Variants in CRACD observed in about 807,000 individuals in gnomAD.
The protein encoded by CRACD is capping protein inhibiting regulator of actin dynamics.
In CRACD, 56 loss-of-function variants were observed where a neutral mutation model predicts 106.8. That is an observed-to-expected ratio of 0.52 (90% CI 0.42 to 0.66). CRACD has a LOEUF of 0.66. Ranked by LOEUF, CRACD falls within the 30% of genes least tolerant of loss-of-function variation. CRACD has a pLI of 0.00. For missense variants in CRACD, 1,730 were observed against 1,623.2 expected (o/e 1.07, Z -1.13); for synonymous variants, 754 against 670.8 (o/e 1.12, Z -1.92).
chr4:56,079,011 A>G (rs567709914), intron 1 of CRACD, among the ~76,000 whole-genome samples: 67 of 152,324 alleles, frequency 4.4e-4, no homozygotes, highest in South Asian at 1.0e-3. Context: ...CTCAGAGGGC[A>G]CTGCAGGTCC....
chr4:56,289,759 T>C (rs1743598808), intron 3 of CRACD, among the ~76,000 whole-genome samples: 1 of 152,012 alleles, frequency 6.6e-6, no homozygotes, highest in Non-Finnish European at 1.5e-5. Context: ...GTGGGTGAAC[T>C]GGAACCCTCT....
intron 10 of CRACD, among the ~76,000 whole-genome samples, chr4:56,326,067 A>G (rs931676838): frequency 1.3e-5 from 2 of 152,048 alleles, no homozygotes; most frequent in African/African-American, 4.8e-5. Context: ...ACACGCCACC[A>G]CACCCAGCTA....
chr4:56,209,843 T>A (rs1003799692), intron 2 of CRACD, among the ~76,000 whole-genome samples: 4 of 152,190 alleles, frequency 2.6e-5, no homozygotes, highest in African/African-American at 9.7e-5. Context: ...TAATGTCTTT[T>A]CCAGTCCTCC....
intron 1 of CRACD, among the ~76,000 whole-genome samples, chr4:56,157,819 C>T (rs1735815128): frequency 6.6e-6 from 1 of 152,128 alleles, no homozygotes; most frequent in African/African-American, 2.4e-5. Context: ...TATGCCTCTC[C>T]CTTTTTGCTG....
chr4:56,314,004 GC>G lies in CRACD; in HGVS notation c.538-35del. ...AAAGGAACGACTGTGGGTGGAGAAAGCAAAAGGCTAATTGTGTTTTCCTTTC... is the reference window on the plus strand; with the variant it reads ...AAAGGAACGACTGTGGGTGGAGAAAGAAAAGGCTAATTGTGTTTTCCTTTC... On this transcript the variant is annotated intron_variant, in intron 7 of 10. Transcript: ENST00000682029. The surrounding 1 kb of genome is among the most constrained non-coding windows in gnomAD (Gnocchi z 4.4). The G allele has an allele frequency of 6.3e-7, 1 of 1,590,610 alleles. No individual in the cohort carries two copies.
rs140295285 is a variant in CRACD at position 56,187,879 on chromosome 4, T to A, written c.-189+8449T>A. Among the ~76,000 whole-genome samples, 1,157 of 152,096 alleles carry A rather than the reference T, an allele frequency of 7.6e-3. 13 individuals carry two copies. Among genetic ancestry groups the A allele is most frequent in the African/African-American group, 0.025 (1,057 of 41,472 alleles). On this transcript the variant is annotated intron_variant, in intron 2 of 10. Transcript: ENST00000682029. ...ATTGACACCAAACAGAAAGCTAAAG[T>A]CAGCATGGAAAATGTCCTCCACTAC...
intron 1 of CRACD, among the ~76,000 whole-genome samples, chr4:56,146,273 A>T (rs1432508463): frequency 6.6e-6 from 1 of 152,090 alleles, no homozygotes; most frequent in East Asian, 1.9e-4. Context: ...TTTTGTTATA[A>T]ACATGATCAG....
chr4:56,167,529 C>T (rs1228602549), intron 1 of CRACD, among the ~76,000 whole-genome samples: 7 of 152,184 alleles, frequency 4.6e-5, no homozygotes, highest in Non-Finnish European at 1.0e-4. Context: ...TAGCTCCCCT[C>T]CCCAGCTTCT....
intron 2 of CRACD, among the ~76,000 whole-genome samples, chr4:56,193,822 A>G (rs35046933): frequency 0.015 from 2,217 of 151,316 alleles, 29 homozygotes; most frequent in Non-Finnish European, 0.025. Flanking sequence ...TTTTTTTTTT[A>G]TATTCCAATA....
chr4:56,066,585 T>C (rs750691415), intron 1 of CRACD, among the ~76,000 whole-genome samples: 2 of 152,074 alleles, frequency 1.3e-5, no homozygotes, highest in Non-Finnish European at 2.9e-5. Flanking sequence ...AATAAATAAA[T>C]AAAATTGTAA....
chr4:56,281,115 C>T (rs951711531), intron 3 of CRACD, among the ~76,000 whole-genome samples: 20 of 152,122 alleles, frequency 1.3e-4, no homozygotes, highest in African/African-American at 4.6e-4. Context: ...GAACCAGTAC[C>T]GGTGTGTGGC....
intron 2 of CRACD, among the ~76,000 whole-genome samples, chr4:56,214,321 G>A: frequency 6.6e-6 from 1 of 152,144 alleles, no homozygotes; most frequent in Non-Finnish European, 1.5e-5. Flanking sequence ...TAGGCCGGGT[G>A]CGATGGCTTA....
At chr4:56,297,566 A>G (rs541495128) in intron 3 of CRACD, among the ~76,000 whole-genome samples, 1 of 152,304 alleles carries the variant, frequency 6.6e-6, no homozygotes, top group African/African-American at 2.4e-5. Context: ...GCAACAGAAT[A>G]AAACCTTGTC....
rs562464181 is a variant in CRACD, at chr4:56,300,994, C to T, written c.120+2645C>T. ...GCAGAATAACTGTTTAATTTGTGTG[C>T]GCTCATTTTGACAATATCTATTCAG... is the stretch of plus-strand genomic sequence containing the variant. On this transcript the variant is annotated intron_variant, in intron 4 of 10. Coordinates refer to ENST00000682029, the MANE Select transcript of CRACD (RefSeq NM_001393381.1). 3.3e-5 allele frequency among the ~76,000 whole-genome samples: 5 copies of T among 152,308 alleles called. No individual in the cohort carries two copies. The South Asian group carries it at 8.3e-4, about 25-fold the overall frequency.
At chr4:56,157,411 T>A (rs1168438557) in intron 1 of CRACD, among the ~76,000 whole-genome samples, 1 of 152,180 alleles carries the variant, frequency 6.6e-6, no homozygotes, top group Non-Finnish European at 1.5e-5. Context: ...CCTAACTTGA[T>A]TCCTAATATC....
At chr4:56,095,488 A>G (rs1733570766) in intron 1 of CRACD, among the ~76,000 whole-genome samples, 1 of 152,214 alleles carries the variant, frequency 6.6e-6, no homozygotes. Context: ...ACATCTGAGC[A>G]AAGGCTTGAA....
At chr4:56,112,680 C>T (rs1368778452) in intron 1 of CRACD, among the ~76,000 whole-genome samples, 2 of 152,150 alleles carry the variant, frequency 1.3e-5, no homozygotes, top group African/African-American at 4.8e-5. Flanking sequence ...AAGATGTTAT[C>T]TTTAGTTTCT....
intron 8 of CRACD, among the ~76,000 whole-genome samples, chr4:56,322,464 C>G (rs1006628579): frequency 6.6e-6 from 1 of 152,208 alleles, no homozygotes; most frequent in South Asian, 2.1e-4. Context: ...ACAAGAAAAA[C>G]AGAGACGGAA....
At chr4:56,310,567 G>C (rs1745081197) in intron 5 of CRACD, 99 bp from the exon 6 acceptor site, 1 of 835,602 alleles carries the variant, frequency 1.2e-6, no homozygotes, top group Admixed American at 1.8e-5. Flanking sequence ...CCCCTGTGTA[G>C]AGGAGGGGGT....
Sources: allele counts gnomAD v4.1 joint callset (sites outside exome capture counted in the v4.1 genomes callset), GRCh38; gene constraint gnomAD v4.1.1; non-coding constraint Gnocchi (gnomAD v3.1); transcripts MANE v1.5; gene names NCBI Gene and HGNC (gene_info 2026-07-23, HGNC 2026-07-21).